The following TESK2 variants were observed in gnomAD, a reference collection of about 807,000 sequenced individuals.
The protein encoded by TESK2 is testis associated actin remodelling kinase 2.
Under a neutral mutation model 57.1 loss-of-function variants are expected in TESK2, and 39 were observed. That is an observed-to-expected ratio of 0.68 (90% confidence interval 0.53 to 0.89). TESK2 has a LOEUF of 0.89. Ranked by LOEUF, TESK2 falls within the 40% of genes least tolerant of loss-of-function variation. TESK2 has a pLI of 0.00. For synonymous variants in TESK2, 249 were observed against 267.9 expected (o/e 0.93, Z 0.69); for missense variants, 646 against 732.1 (o/e 0.88, Z 1.36).
rs145359172 is a variant in TESK2, at chr1:45,399,950, G to A, written c.345-13990C>T. 2.4e-3 allele frequency among the ~76,000 whole-genome samples: 360 copies of A among 152,248 alleles called. 5 individuals carry two copies. Among genetic ancestry groups the A allele is most frequent in the African/African-American group, 8.4e-3 (349 of 41,540 alleles). ...GGTTAATAGTAGCACATGGGGATGTGCTCAAAAATGCTTTCCTAATGGGAT... is the reference window on the plus strand; with the variant it reads ...GGTTAATAGTAGCACATGGGGATGTACTCAAAAATGCTTTCCTAATGGGAT... On this transcript the variant is annotated intron_variant, in intron 3 of 10. Coordinates refer to ENST00000372086, the MANE Select transcript of TESK2 (RefSeq NM_007170.3).
intron 1 of TESK2, among the ~76,000 whole-genome samples, chr1:45,489,190 A>C (rs112726711): frequency 2.6e-4 from 40 of 151,524 alleles, no homozygotes; most frequent in African/African-American, 9.4e-4. Context: ...AAAGCACGTG[A>C]CATTGATAGT....
intron 1 of TESK2, among the ~76,000 whole-genome samples, chr1:45,464,351 G>C (rs142306872): frequency 1.5e-4 from 23 of 151,766 alleles, no homozygotes; most frequent in African/African-American, 5.3e-4. Flanking sequence ...TTGAAGCCGG[G>C]AGGCAGAGGT....
intron 3 of TESK2, among the ~76,000 whole-genome samples, chr1:45,386,204 G>A (rs755770097): frequency 2.0e-5 from 3 of 151,990 alleles, no homozygotes; most frequent in Non-Finnish European, 4.4e-5. Flanking sequence ...AATTAGGCAG[G>A]TGTGGTGGCA....
intron 1 of TESK2, among the ~76,000 whole-genome samples, chr1:45,473,108 C>T (rs1474815377): frequency 2.0e-5 from 3 of 148,632 alleles, no homozygotes; most frequent in Non-Finnish European, 4.4e-5. Context: ...GAGCCGAGAT[C>T]GTGCCACTGC....
At chr1:45,375,589 C>T (rs1236641711) in intron 4 of TESK2, among the ~76,000 whole-genome samples, 1 of 152,030 alleles carries the variant, frequency 6.6e-6, no homozygotes, top group Non-Finnish European at 1.5e-5. Flanking sequence ...CCTCTGCCCG[C>T]CCCCTGCTGA....
At chr1:45,450,100 G>A (rs1224411386) in intron 2 of TESK2, among the ~76,000 whole-genome samples, 3 of 152,170 alleles carry the variant, frequency 2.0e-5, no homozygotes. Context: ...CATCTGAAAA[G>A]CAAATAGAAT....
chr1:45,420,397 C>G (rs1372173507), intron 3 of TESK2, among the ~76,000 whole-genome samples: 2 of 37,530 alleles, frequency 5.3e-5, no homozygotes, highest in African/African-American at 1.5e-4. Context: ...TGCCATTATA[C>G]CTGGCTAATT....
intron 3 of TESK2, among the ~76,000 whole-genome samples, chr1:45,386,454 G>A (rs1451614007): frequency 1.3e-5 from 2 of 151,284 alleles, no homozygotes; most frequent in African/African-American, 4.9e-5. Context: ...AAAGGGAAAG[G>A]AAAGGAAGAA....
chr1:45,392,787 C>T (rs1246167407), intron 3 of TESK2, among the ~76,000 whole-genome samples: 3 of 152,146 alleles, frequency 2.0e-5, no homozygotes, highest in Admixed American at 6.5e-5. Flanking sequence ...AAGTGATCCT[C>T]CCACCTCGGC....
intron 2 of TESK2, among the ~76,000 whole-genome samples, chr1:45,433,805 A>C (rs533916981): frequency 6.6e-6 from 1 of 152,250 alleles, no homozygotes; most frequent in South Asian, 2.1e-4. Context: ...ATACCCACTA[A>C]TGAGATTGCT....
chr1:45,363,403 GA>G (rs1557543938), intron 4 of TESK2, among the ~76,000 whole-genome samples: 2 of 152,034 alleles, frequency 1.3e-5, no homozygotes, highest in Admixed American at 6.6e-5. Context: ...ATGCCAACCT[GA>G]AGCCACTCTC....
At chr1:45,404,441 T>G (rs538711672) in intron 3 of TESK2, among the ~76,000 whole-genome samples, 3 of 152,334 alleles carry the variant, frequency 2.0e-5, no homozygotes, top group African/African-American at 7.2e-5. Flanking sequence ...TAACATTTAC[T>G]GAGCACCTAA....
At chr1:45,384,593 A>ATTTTTTTTTTAT (rs1648803081) in intron 4 of TESK2, among the ~76,000 whole-genome samples, 10 of 70,856 alleles carry the variant, frequency 1.4e-4, no homozygotes, top group Non-Finnish European at 2.2e-4. Context: ...CTAATTATTA[A>ATTTTTTTTTTAT]TTTTTTTTTT....
chr1:45,352,750 G>T (rs911824798), intron 5 of TESK2, among the ~76,000 whole-genome samples: 5 of 151,774 alleles, frequency 3.3e-5, no homozygotes, highest in African/African-American at 4.8e-5. Context: ...TGTGTGTGTG[G>T]GGGGAGTATC....
intron 4 of TESK2, among the ~76,000 whole-genome samples, chr1:45,365,510 AT>A (rs528286538): frequency 1.7e-4 from 26 of 151,288 alleles, no homozygotes; most frequent in African/African-American, 4.6e-4. Context: ...ATTTATTTTC[AT>A]TTTTTTTATT....
chr1:45,397,891 C>T (rs890404785), intron 3 of TESK2, among the ~76,000 whole-genome samples: 2 of 152,110 alleles, frequency 1.3e-5, no homozygotes, highest in African/African-American at 4.8e-5. Flanking sequence ...GACATGTCCA[C>T]ATATTAAATC....
intron 3 of TESK2, chr1:45,413,714 A>G (rs1470380841): frequency 3.1e-5 from 11 of 354,698 alleles, no homozygotes; most frequent in African/African-American, 1.3e-4. Context: ...AGATGAAGCC[A>G]AGAGAACAGA....
At chr1:45,457,450 A>T (rs974904706) in intron 2 of TESK2, 114 bp downstream of exon 2, 1 of 913,600 alleles carries the variant, frequency 1.1e-6, no homozygotes, top group African/African-American at 1.7e-5. Context: ...ACAGTGTTCA[A>T]GATCCACAGC....
intron 1 of TESK2, among the ~76,000 whole-genome samples, chr1:45,477,582 A>C (rs915435995): frequency 6.6e-6 from 1 of 151,984 alleles, no homozygotes; most frequent in African/African-American, 2.4e-5. Flanking sequence ...AGATCACACC[A>C]CTGCACTCCA....
Sources: gnomAD v4.1 joint callset for allele counts (sites outside exome capture counted in the v4.1 genomes callset) on GRCh38, gnomAD v4.1.1 for gene constraint, MANE v1.5 for transcripts, NCBI Gene and HGNC (gene_info 2026-07-23, HGNC 2026-07-21) for gene names.